Variants in VTA1 observed in about 807,000 individuals in gnomAD.
The protein encoded by VTA1 is vesicle trafficking 1.
Under a neutral mutation model 36.9 loss-of-function variants are expected in VTA1, and 24 were observed. That is an observed-to-expected ratio of 0.65 (90% CI 0.47 to 0.91). VTA1 has a LOEUF of 0.91. Ranked by LOEUF, VTA1 falls within the 40% of genes least tolerant of loss-of-function variation. The probability of loss-of-function intolerance (pLI) is 0.00; values close to 1 mark genes in which losing one functional copy is unlikely to be tolerated. For missense variants in VTA1, 393 were observed against 377.2 expected (o/e 1.04, Z -0.35); for synonymous variants, 142 against 130.2 (o/e 1.09, Z -0.62).
intron 1 of VTA1, among the ~76,000 whole-genome samples, chr6:142,155,563 T>C (rs183244161): frequency 6.6e-6 from 1 of 152,344 alleles, no homozygotes; most frequent in East Asian, 1.9e-4. Flanking sequence ...CAGTTCCATA[T>C]GTCTATCTGA....
chr6:142,160,544 A>G (rs368611593), intron 1 of VTA1, among the ~76,000 whole-genome samples: 3 of 151,780 alleles, frequency 2.0e-5, no homozygotes, highest in Non-Finnish European at 4.4e-5. Context: ...AATTCACTCC[A>G]GTGTGTTTTT....
chr6:142,221,256 G>A lies in VTA1; in HGVS notation c.*2613G>A, dbSNP rs2114695696. 6.6e-6 allele frequency: 1 copy of A among 152,310 alleles called. No homozygotes were observed. The highest frequency in any genetic ancestry group is 1.9e-4 in the East Asian group (1 of 5,184). The allele number at this position is 152,310 out of a possible 1,614,324, so 9.4% of individuals were successfully genotyped here. A position where few individuals can be genotyped will look rare whatever the true frequency, so the allele number is the denominator to read the frequency against. Reference sequence around the variant, plus strand: ...GTATTAAATAGTGATAAATGCTATGGAGGAAACATTGAGGACAGGATAGGA... The same window carrying A: ...GTATTAAATAGTGATAAATGCTATGAAGGAAACATTGAGGACAGGATAGGA... On this transcript the variant is annotated 3_prime_UTR_variant, in exon 8 of 8. Transcript: ENST00000367630.
intron 5 of VTA1, among the ~76,000 whole-genome samples, chr6:142,192,332 A>G (rs1775470362): frequency 6.6e-6 from 1 of 152,094 alleles, no homozygotes; most frequent in East Asian, 1.9e-4. Context: ...AGGCTAAGCA[A>G]TGATGTTCGG....
At chr6:142,156,842 A>G (rs117100935) in intron 1 of VTA1, among the ~76,000 whole-genome samples, 1,834 of 152,344 alleles carry the variant, frequency 0.012, 9 homozygotes, top group Non-Finnish European at 0.02. Flanking sequence ...CTAAATAACA[A>G]TGGATTTCTT....
At chr6:142,181,049 G>A (rs1262593704) in intron 4 of VTA1, among the ~76,000 whole-genome samples, 5 of 126,296 alleles carry the variant, frequency 4.0e-5, no homozygotes, top group Admixed American at 9.1e-5. Context: ...AGGGGACACC[G>A]TGTCTTCAAT....
chr6:142,148,641 G>A (rs1778507347), intron 1 of VTA1, among the ~76,000 whole-genome samples: 2 of 152,108 alleles, frequency 1.3e-5, no homozygotes, highest in African/African-American at 4.8e-5. Context: ...ACAATATAGA[G>A]TCTATCATAC....
chr6:142,223,871 A>G lies in VTA1; in HGVS notation c.*5228A>G, dbSNP rs1384595880. 6.6e-6 allele frequency: 1 copy of G among 152,172 alleles called. No individual in the cohort carries two copies. Among genetic ancestry groups the G allele is most frequent in the Non-Finnish European group, 1.5e-5 (1 of 68,076 alleles). 9.4% of individuals were successfully genotyped at this position (152,172 alleles called of 1,614,324 possible). A position where few individuals can be genotyped will look rare whatever the true frequency, so the allele number is the denominator to read the frequency against. On this transcript the variant is annotated 3_prime_UTR_variant, in exon 8 of 8. Transcript: ENST00000367630. The stretch of plus-strand genomic sequence containing the variant: ...AGTTAGCAGAGAGAAAAGCACAAGC[A>G]ACACCATGGAGGAACAAATGTGGGC...
At chr6:142,147,580 A>G (rs1778474246) in intron 1 of VTA1, among the ~76,000 whole-genome samples, 181 bp downstream of exon 1, 2 of 152,104 alleles carry the variant, frequency 1.3e-5, no homozygotes, top group Non-Finnish European at 1.5e-5. Flanking sequence ...CCAAAACACC[A>G]TGGTGTCCAC....
At chr6:142,183,144 C>A (rs1329566453) in intron 4 of VTA1, among the ~76,000 whole-genome samples, 2 of 152,126 alleles carry the variant, frequency 1.3e-5, no homozygotes, top group Non-Finnish European at 1.5e-5. Context: ...GCAAAAATCA[C>A]AATTACTTTC....
intron 4 of VTA1, among the ~76,000 whole-genome samples, chr6:142,187,913 T>TTTC (rs1491519673): frequency 5.2e-5 from 2 of 38,512 alleles, no homozygotes; most frequent in Non-Finnish European, 1.3e-4. Flanking sequence ...ACTTTCTTTC[T>TTTC]TTTTTTTTTT....
intron 4 of VTA1, among the ~76,000 whole-genome samples, chr6:142,178,133 T>C (rs1775159361): frequency 6.6e-6 from 1 of 152,114 alleles, no homozygotes; most frequent in Admixed American, 6.5e-5. Context: ...AGAAACATTG[T>C]AGTCAAACCA....
At chr6:142,199,849 T>A (rs1443625108) in intron 6 of VTA1, among the ~76,000 whole-genome samples, 1 of 152,166 alleles carries the variant, frequency 6.6e-6, no homozygotes, top group Non-Finnish European at 1.5e-5. Flanking sequence ...CAAACCTATT[T>A]GCATTTGTTT....
At chr6:142,202,405 CA>C (rs1775705560) in intron 6 of VTA1, among the ~76,000 whole-genome samples, 2 of 151,672 alleles carry the variant, frequency 1.3e-5, no homozygotes, top group African/African-American at 4.8e-5. Context: ...TTTGTAATAG[CA>C]AAAGATTGGA....
At chr6:142,167,831 G>C (rs1004169337) in intron 2 of VTA1, among the ~76,000 whole-genome samples, 13 of 152,300 alleles carry the variant, frequency 8.5e-5, no homozygotes, top group African/African-American at 3.1e-4. Flanking sequence ...CTAGGGAATG[G>C]GTTGGGGTAG....
intron 4 of VTA1, among the ~76,000 whole-genome samples, chr6:142,182,439 G>A (rs1307367091): frequency 2.0e-5 from 3 of 152,150 alleles, no homozygotes; most frequent in Non-Finnish European, 4.4e-5. Flanking sequence ...AGTGGAAAAG[G>A]CAAACTCATT....
At chr6:142,198,119 ATGTGTGTGTGTGTGTGTG>A (rs71021658) in intron 5 of VTA1, among the ~76,000 whole-genome samples, 39 of 98,252 alleles carry the variant, frequency 4.0e-4, no homozygotes, top group African/African-American at 5.1e-4. Context: ...ATATATATAT[ATGTGTGTGTGTGTGTGTG>A]TGTGTGTGTG....
At chr6:142,161,312 G>A (rs1774804836) in intron 1 of VTA1, among the ~76,000 whole-genome samples, 1 of 152,012 alleles carries the variant, frequency 6.6e-6, no homozygotes, top group Non-Finnish European at 1.5e-5. Context: ...ATTCTATTGA[G>A]TGCCACATTT....
intron 1 of VTA1, among the ~76,000 whole-genome samples, chr6:142,162,289 C>T (rs1438721734): frequency 3.3e-5 from 5 of 152,288 alleles, no homozygotes; most frequent in Non-Finnish European, 5.9e-5. Flanking sequence ...TCTCTACTGT[C>T]TAGGTTGTTC....
intron 3 of VTA1, among the ~76,000 whole-genome samples, chr6:142,169,906 G>T (rs1774996548): frequency 6.6e-6 from 1 of 151,966 alleles, no homozygotes; most frequent in African/African-American, 2.4e-5. Flanking sequence ...TAGTAAATAT[G>T]CTCTACTTAG....
Sources: gnomAD v4.1 joint callset for allele counts (sites outside exome capture counted in the v4.1 genomes callset) on GRCh38, gnomAD v4.1.1 for gene constraint, MANE v1.5 for transcripts, NCBI Gene and HGNC (gene_info 2026-07-23, HGNC 2026-07-21) for gene names.